The following SRGAP2C variants were observed in gnomAD, a reference collection of about 807,000 sequenced individuals.
The protein encoded by SRGAP2C is SLIT-ROBO Rho GTPase-activating protein 2C.
In SRGAP2C, 15 loss-of-function variants were observed where a neutral mutation model predicts 25.1. The ratio of observed to expected loss-of-function variants is 0.60; its 90% CI spans 0.40 to 0.92. SRGAP2C has a LOEUF of 0.92. Among genes scored for constraint, SRGAP2C ranks in the 40% least tolerant of loss-of-function variants. SRGAP2C has a pLI of 0.00. For synonymous variants in SRGAP2C, 44 were observed against 96.6 expected (o/e 0.46, Z 3.19); for missense variants, 144 against 264.4 (o/e 0.54, Z 3.16).
chr1:121,238,414 G>T (rs1194181230), intron 2 of SRGAP2C, among the ~76,000 whole-genome samples: 16 of 151,298 alleles, frequency 1.1e-4, no homozygotes, highest in Non-Finnish European at 3.0e-5. Flanking sequence ...CTGGTACTAT[G>T]CTGAGTACCT....
chr1:121,188,449 G>A (rs1654584311), intron 2 of SRGAP2C, among the ~76,000 whole-genome samples: 1 of 149,160 alleles, frequency 6.7e-6, no homozygotes, highest in African/African-American at 2.5e-5. Flanking sequence ...GCTGCAGCAT[G>A]TGTTTGTGCA....
chr1:121,328,884 C>G (rs1658372617), intron 4 of SRGAP2C, among the ~76,000 whole-genome samples: 1 of 82,992 alleles, frequency 1.2e-5, no homozygotes, highest in Non-Finnish European at 2.3e-5. Flanking sequence ...CAGACCCTGT[C>G]TGTTTAAAAA....
At chr1:121,229,543 A>G (rs1209223526) in intron 2 of SRGAP2C, among the ~76,000 whole-genome samples, 1 of 152,060 alleles carries the variant, frequency 6.6e-6, no homozygotes, top group East Asian at 1.9e-4. Flanking sequence ...AGCTTCACAG[A>G]GGAAGTGAAG....
At chr1:121,313,892 C>G (rs1553340253) in intron 3 of SRGAP2C, among the ~76,000 whole-genome samples, 5 of 131,014 alleles carry the variant, frequency 3.8e-5, no homozygotes, top group Admixed American at 2.4e-4. Flanking sequence ...GTGAATCTGA[C>G]AGTTATGTGT....
At chr1:121,272,419 C>T (rs1299822231) in intron 2 of SRGAP2C, among the ~76,000 whole-genome samples, 7 of 151,700 alleles carry the variant, frequency 4.6e-5, no homozygotes, top group Non-Finnish European at 7.4e-5. Flanking sequence ...CTTTTCTCTG[C>T]GGCCTCTCCA....
chr1:121,376,987 A>G (rs1227933346), intron 7 of SRGAP2C, among the ~76,000 whole-genome samples: 1 of 151,518 alleles, frequency 6.6e-6, no homozygotes, highest in Non-Finnish European at 1.5e-5. Context: ...ATCTCAGGGG[A>G]AGGGAGGGGT....
intron 2 of SRGAP2C, among the ~76,000 whole-genome samples, chr1:121,282,823 G>A (rs1379647304): frequency 1.3e-5 from 2 of 150,032 alleles, no homozygotes; most frequent in South Asian, 4.2e-4. Context: ...CTCCCAAAGT[G>A]CTGGGATTAC....
chr1:121,365,902 C>T (rs1570812599), intron 5 of SRGAP2C, among the ~76,000 whole-genome samples: 1 of 143,744 alleles, frequency 7.0e-6, no homozygotes, highest in African/African-American at 2.6e-5. Context: ...AAAGCCAAAC[C>T]TCAGTGACGA....
At chr1:121,336,120 G>A (rs1379316963) in intron 4 of SRGAP2C, among the ~76,000 whole-genome samples, 1 of 152,128 alleles carries the variant, frequency 6.6e-6, no homozygotes, top group Non-Finnish European at 1.5e-5. Context: ...AACTAGGCAG[G>A]CTTTGAATGC....
Position 121,193,688 on chromosome 1 carries a change from T to C in SRGAP2C, c.67+6175T>C, listed in dbSNP as rs1378893996. ...TTTTCTTTTTTTTTTTTTTTTTTTT[T>C]CAGATGGGGTCTCACTCTGTCACCC... On this transcript the variant is annotated intron_variant, in intron 2 of 9. Coordinates refer to ENST00000367123, the MANE Select transcript of SRGAP2C (RefSeq NM_001329984.2). Among the ~76,000 whole-genome samples the C allele has an allele frequency of 5.3e-4, 25 of 47,170 alleles. 2 individuals are homozygous for C. In the South Asian group the frequency reaches 0.013, roughly 25 times the overall value. 30.9% of individuals were successfully genotyped at this position (47,170 alleles called of 152,430 possible).
chr1:121,314,516 T>C (rs1658049315), intron 3 of SRGAP2C, among the ~76,000 whole-genome samples: 1 of 152,160 alleles, frequency 6.6e-6, no homozygotes, highest in African/African-American at 2.4e-5. Flanking sequence ...GTTTTAGAGT[T>C]TCCAGTTTTT....
intron 3 of SRGAP2C, among the ~76,000 whole-genome samples, chr1:121,287,862 G>A (rs1395993992): frequency 1.2e-4 from 19 of 152,108 alleles, no homozygotes; most frequent in Admixed American, 2.0e-4. Flanking sequence ...TTAAGGCAGC[G>A]CGTCTGGAGT....
At chr1:121,308,409 A>G (rs2101592879) in intron 3 of SRGAP2C, among the ~76,000 whole-genome samples, 1 of 151,714 alleles carries the variant, frequency 6.6e-6, no homozygotes, top group South Asian at 2.1e-4. Flanking sequence ...TTAAAGTCTC[A>G]GCTACATTAG....
At chr1:121,253,939 G>A (rs1484377402) in intron 2 of SRGAP2C, among the ~76,000 whole-genome samples, 1 of 151,694 alleles carries the variant, frequency 6.6e-6, no homozygotes, top group Non-Finnish European at 1.5e-5. Context: ...TTTTGATGGA[G>A]TCTCACTCCG....
intron 2 of SRGAP2C, among the ~76,000 whole-genome samples, chr1:121,198,925 T>A (rs1416124605): frequency 1.3e-5 from 2 of 152,184 alleles, no homozygotes; most frequent in Non-Finnish European, 2.9e-5. Context: ...TGTCATTGGC[T>A]GCCATGATTT....
At chr1:121,313,042 A>G (rs1658001155) in intron 3 of SRGAP2C, among the ~76,000 whole-genome samples, 1 of 43,076 alleles carries the variant, frequency 2.3e-5, no homozygotes, top group Non-Finnish European at 4.2e-5. Context: ...GTCTCCCATT[A>G]TTAATGTGTG....
intron 4 of SRGAP2C, among the ~76,000 whole-genome samples, chr1:121,357,730 G>A (rs1236516832): frequency 3.1e-5 from 3 of 98,240 alleles, no homozygotes; most frequent in African/African-American, 4.1e-5. Context: ...CAGGACCTTC[G>A]CAATTCCACA....
intron 2 of SRGAP2C, among the ~76,000 whole-genome samples, chr1:121,264,297 AAG>A (rs587764846): frequency 2.3e-4 from 31 of 133,412 alleles, no homozygotes; most frequent in African/African-American, 7.9e-4. Context: ...TGAAAATGAA[AAG>A]TCTCACATTT....
chr1:121,296,225 G>A (rs1657596134), intron 3 of SRGAP2C, among the ~76,000 whole-genome samples: 1 of 152,032 alleles, frequency 6.6e-6, no homozygotes, highest in Non-Finnish European at 1.5e-5. Context: ...GGGCTAAAGA[G>A]ATTTTTTGGC....
Sources: gnomAD v4.1 joint callset for allele counts (sites outside exome capture counted in the v4.1 genomes callset) on GRCh38, gnomAD v4.1.1 for gene constraint, MANE v1.5 for transcripts, NCBI Gene and HGNC (gene_info 2026-07-23, HGNC 2026-07-21) for gene names.